ROBO2: variants seen among roughly 807,000 people sequenced by gnomAD.
ROBO2 encodes the protein roundabout guidance receptor 2.
A neutral mutation model predicts 160.8 loss-of-function variants in ROBO2; 53 were observed. That is an observed-to-expected ratio of 0.33 (90% CI 0.26 to 0.41). The LOEUF (loss-of-function observed/expected upper bound fraction) is 0.41. Ranked by LOEUF, ROBO2 falls within the 10% of genes least tolerant of loss-of-function variation. The pLI is 1.00. For missense variants in ROBO2, 1,577 were observed against 1,722.4 expected (o/e 0.92, Z 1.49); for synonymous variants, 664 against 611.7 (o/e 1.09, Z -1.26).
intron 2 of ROBO2, among the ~76,000 whole-genome samples, chr3:76,308,063 T>C (rs1474454331): frequency 6.6e-6 from 1 of 152,042 alleles, no homozygotes; most frequent in South Asian, 2.1e-4. Flanking sequence ...CAGTTTATAC[T>C]GTACTAAATG....
intron 1 of ROBO2, among the ~76,000 whole-genome samples, chr3:75,914,422 T>C (rs1256821548): frequency 6.6e-6 from 1 of 152,212 alleles, no homozygotes; most frequent in East Asian, 1.9e-4. Flanking sequence ...GTGCAGTAAG[T>C]ACTTTTGCCT....
At chr3:77,456,980 T>C (rs1008304129) in intron 2 of ROBO2, among the ~76,000 whole-genome samples, 7 of 152,078 alleles carry the variant, frequency 4.6e-5, no homozygotes, top group African/African-American at 1.7e-4. Context: ...TACCAAAGGA[T>C]TATTTGTTGC....
At chr3:77,566,817 C>T (rs892217521) in intron 12 of ROBO2, among the ~76,000 whole-genome samples, 1 of 151,976 alleles carries the variant, frequency 6.6e-6, no homozygotes, top group African/African-American at 2.4e-5. Context: ...GTCTGAAGGT[C>T]AGGATTATTT....
intron 2 of ROBO2, among the ~76,000 whole-genome samples, chr3:77,467,597 ATC>A (rs1465888552): frequency 8.1e-5 from 12 of 148,924 alleles, no homozygotes; most frequent in African/African-American, 3.0e-4. Context: ...GTATCTATCT[ATC>A]TATCTATCTA....
At chr3:76,972,147 CTCTT>C (rs1220012958) in intron 2 of ROBO2, among the ~76,000 whole-genome samples, 1 of 152,082 alleles carries the variant, frequency 6.6e-6, no homozygotes, top group African/African-American at 2.4e-5. Context: ...TGTAGGAACT[CTCTT>C]TCTTACTCAG....
intron 2 of ROBO2, among the ~76,000 whole-genome samples, chr3:76,972,904 A>G (rs1321684434): frequency 1.3e-5 from 2 of 152,188 alleles, no homozygotes; most frequent in Non-Finnish European, 1.5e-5. Context: ...TAGAAAAAGG[A>G]TGAATCACTT....
chr3:76,223,705 C>T (rs1006237620), intron 2 of ROBO2, among the ~76,000 whole-genome samples: 14 of 152,152 alleles, frequency 9.2e-5, no homozygotes, highest in South Asian at 2.1e-4. Context: ...TCAGCCCTTC[C>T]GCTACAGGAG....
intron 2 of ROBO2, among the ~76,000 whole-genome samples, chr3:77,298,956 G>A (rs1303213168): frequency 6.6e-6 from 1 of 152,272 alleles, no homozygotes; most frequent in Non-Finnish European, 1.5e-5. Context: ...CATTTCAGAA[G>A]ATAGAGGGGC....
In ROBO2 at chr3:76,194,358, A is replaced by G. The variant is rs1226398420; in HGVS notation, c.109+256756A>G. Among the ~76,000 whole-genome samples the G allele has an allele frequency of 8.4e-3, 787 of 93,816 alleles. 13 individuals are homozygous for G. Among genetic ancestry groups the G allele is most frequent in the African/African-American group, 0.029 (651 of 22,334 alleles). 61.5% of individuals were successfully genotyped at this position (93,816 alleles called of 152,430 possible). On this transcript the variant is annotated intron_variant, in intron 2 of 26. Transcript: ENST00000487694. ...ATAAATATGTATGGTGTGTAAATAT[A>G]TATATATATATATATATATATATAT...
chr3:77,168,156 C>A (rs1268853691), intron 2 of ROBO2, among the ~76,000 whole-genome samples: 1 of 152,208 alleles, frequency 6.6e-6, no homozygotes, highest in Non-Finnish European at 1.5e-5. Flanking sequence ...AGTGACTTGG[C>A]ATTTCATCGT....
chr3:77,070,093 T>C (rs2067251154), intron 1 of ROBO2, among the ~76,000 whole-genome samples: 1 of 152,138 alleles, frequency 6.6e-6, no homozygotes, highest in Non-Finnish European at 1.5e-5. Context: ...AATGGATTTC[T>C]AAGCCAAAGA....
intron 2 of ROBO2, among the ~76,000 whole-genome samples, chr3:76,931,444 GA>G (rs2077333089): frequency 6.6e-6 from 1 of 151,838 alleles, no homozygotes; most frequent in Non-Finnish European, 1.5e-5. Context: ...TTCCACCCAA[GA>G]AAACACATAA....
In ROBO2 at chr3:77,434,783, T is replaced by G. The variant is rs34480852; in HGVS notation, c.389-42631T>G. ...TTTTGGTGTTAAGGGTCAAATTGAA[T>G]AAATTGTGTACCATATTACCCTTAC... On this transcript the variant is annotated intron_variant, in intron 2 of 25. Transcript: ENST00000461745. 3.8e-3 allele frequency among the ~76,000 whole-genome samples: 584 copies of G among 152,250 alleles called. 3 individuals are homozygous for G. Among genetic ancestry groups the G allele is most frequent in the Middle Eastern group, 0.02 (6 of 294 alleles).
At chr3:77,211,709 T>C (rs1478058813) in intron 2 of ROBO2, among the ~76,000 whole-genome samples, 2 of 152,204 alleles carry the variant, frequency 1.3e-5, no homozygotes, top group African/African-American at 2.4e-5. Flanking sequence ...TGGTTTTAGG[T>C]CTAACATTTA....
intron 2 of ROBO2, among the ~76,000 whole-genome samples, chr3:77,301,880 C>CTTT (rs540906873): frequency 1.5e-4 from 22 of 145,692 alleles, no homozygotes; most frequent in African/African-American, 4.0e-4. Context: ...CTTCAATTTC[C>CTTT]TTTTTTTTTT....
At position 77,577,529 on chromosome 3, in the gene ROBO2, T is replaced by C. The variant is rs746734818; in HGVS notation, c.2243T>C (p.Val748Ala). The C allele has an allele frequency of 1.2e-5, 19 of 1,613,210 alleles. No individual in the cohort carries two copies. The highest frequency in any genetic ancestry group is 2.2e-5 in the East Asian group (1 of 44,814). Residue 748 changes from valine to alanine, a missense_variant, in exon 15 of 26, where the codon GTT becomes GCT. This residue lies in a region of ROBO2 where 940 missense variants were observed against 1,135.5 expected (regional missense o/e 0.83). Coordinates refer to ENST00000461745, the Ensembl canonical transcript of ROBO2. Reference sequence around the variant, plus strand: ...CCACAGTCTGTCACTGTACTGACAGTTGGAAGCTACAATAGCACAAGTATT... The same window carrying C: ...CCACAGTCTGTCACTGTACTGACAGCTGGAAGCTACAATAGCACAAGTATT...
intron 6 of ROBO2, among the ~76,000 whole-genome samples, chr3:77,542,211 C>T (rs2092494799): frequency 6.6e-6 from 1 of 152,060 alleles, no homozygotes; most frequent in South Asian, 2.1e-4. Flanking sequence ...TATCCCTTCA[C>T]AGAAGATTGC....
chr3:77,440,863 G>T (rs1363334472), intron 2 of ROBO2, among the ~76,000 whole-genome samples: 1 of 152,040 alleles, frequency 6.6e-6, no homozygotes, highest in African/African-American at 2.4e-5. Context: ...ATATTTGAGG[G>T]TTGCGGGTGG....
intron 2 of ROBO2, among the ~76,000 whole-genome samples, chr3:77,386,772 T>G (rs1486810656): frequency 1.3e-5 from 2 of 151,490 alleles, no homozygotes; most frequent in Admixed American, 1.3e-4. Context: ...TAGGCTAATT[T>G]TTGTATTTTT....
Sources: allele counts gnomAD v4.1 joint callset (sites outside exome capture counted in the v4.1 genomes callset), GRCh38; gene constraint gnomAD v4.1.1; regional missense constraint gnomAD v4.1.1; transcripts MANE v1.5; gene names NCBI Gene and HGNC (gene_info 2026-07-23, HGNC 2026-07-21).